The following KIF9 variants were observed in gnomAD, a reference collection of about 807,000 sequenced individuals.
KIF9 encodes the protein kinesin family member 9.
Under a neutral mutation model 94.8 loss-of-function variants are expected in KIF9, and 68 were observed. That is an observed-to-expected ratio of 0.72 (90% confidence interval 0.59 to 0.88). The LOEUF (loss-of-function observed/expected upper bound fraction) is 0.88, where lower values mean the gene tolerates loss of function less well. KIF9 is among the 40% of genes least tolerant of loss of function. The pLI is 0.00. For synonymous variants in KIF9, 343 were observed against 362.1 expected, an observed-to-expected ratio of 0.95 and a Z score of 0.60; for missense variants, 882 against 982.5, an observed-to-expected ratio of 0.90 and a Z score of 1.37.
chr3:47,267,136 G>C (rs201347425), intron 6 of KIF9, 44 bp downstream of exon 6: 1 of 1,599,524 alleles, frequency 6.3e-7, no homozygotes, highest in Non-Finnish European at 8.6e-7. Context: ...GGCCCCGTGG[G>C]AATTGACTGC....
chr3:47,261,323 T>C (rs538609560), intron 9 of KIF9, among the ~76,000 whole-genome samples: 11 of 152,064 alleles, frequency 7.2e-5, no homozygotes, highest in Non-Finnish European at 1.3e-4. Context: ...GAGTGATGCC[T>C]GGGGGGTCGC....
intron 1 of KIF9, 123 bp downstream of exon 1, chr3:47,282,372 G>A (rs1702440276): frequency 1.0e-6 from 1 of 986,030 alleles, no homozygotes; most frequent in Non-Finnish European, 1.2e-6. Flanking sequence ...GGGTTTCAGA[G>A]ATGAGCGACC....
At position 47,275,495 on chromosome 3, in the gene KIF9, GAA is replaced by G; in HGVS notation, c.94-7_94-6del. 1 of 1,589,442 alleles carries G rather than the reference GAA, an allele frequency of 6.3e-7. No individual in the cohort carries two copies. Among genetic ancestry groups the G allele is most frequent in the Non-Finnish European group, 8.5e-7 (1 of 1,171,242 alleles). ...TTTTAAGTGAATATCAATGCTCTAGGAAAAAAGAGTGAGAAAGAAAAAAATGT... is the reference window on the plus strand; with the variant it reads ...TTTTAAGTGAATATCAATGCTCTAGGAAAAGAGTGAGAAAGAAAAAAATGT... On this transcript the variant is annotated splice_region_variant and splice_polypyrimidine_tract_variant and intron_variant, in intron 2 of 20. Transcript: ENST00000684063.
At chr3:47,275,229 G>A in intron 3 of KIF9, 96 bp downstream of exon 3, 1 of 925,704 alleles carries the variant, frequency 1.1e-6, no homozygotes, top group Non-Finnish European at 1.6e-6. Flanking sequence ...ACATACAAAT[G>A]ATAGTGAGTG....
At position 47,276,816 on chromosome 3, in the gene KIF9, C is replaced by A. The variant is rs531007409; in HGVS notation, c.93+466G>T. Among the ~76,000 whole-genome samples, 17 of 152,348 alleles carry A rather than the reference C, an allele frequency of 1.1e-4. No individual in the cohort carries two copies. The South Asian group carries it at 3.5e-3, about 32-fold the overall frequency. ...AATGAAAATATCTAACACTCTTACA[C>A]TGTCCTAAGCCTTCAGAAGCATTCT... On this transcript the variant is annotated intron_variant, in intron 2 of 20. Coordinates refer to ENST00000684063, the MANE Select transcript of KIF9 (RefSeq NM_182902.4).
rs368385088 is a variant in KIF9, at chr3:47,275,502, G to T, written c.94-12C>A. ...TGAATATCAATGCTCTAGGAAAAAA[G>T]AGTGAGAAAGAAAAAAATGTTATTT... On this transcript the variant is annotated splice_polypyrimidine_tract_variant and intron_variant, in intron 2 of 20. Transcript: ENST00000684063. 10 of 1,581,618 alleles carry T rather than the reference G, an allele frequency of 6.3e-6. No homozygotes were observed. The highest frequency in any genetic ancestry group is 1.4e-5 in the African/African-American group (1 of 73,170).
intron 8 of KIF9, among the ~76,000 whole-genome samples, 168 bp downstream of exon 8, chr3:47,265,562 T>A (rs1701238248): frequency 6.6e-6 from 1 of 152,186 alleles, no homozygotes; most frequent in Non-Finnish European, 1.5e-5. Context: ...CTGGGCACAG[T>A]GCTTGATTCT....
At chr3:47,255,913 C>G (rs1414270520) in intron 10 of KIF9, among the ~76,000 whole-genome samples, 1 of 152,246 alleles carries the variant, frequency 6.6e-6, no homozygotes, top group South Asian at 2.1e-4. Context: ...GCGCGCGCCA[C>G]CACACCTGAC....
At chr3:47,240,240 A>G (rs1699365553) in intron 17 of KIF9, 2 of 226,386 alleles carry the variant, frequency 8.8e-6, no homozygotes, top group Non-Finnish European at 1.8e-5. Context: ...TTGAGCCTGG[A>G]GCACCCCCTG....
At chr3:47,268,424 C>A (rs1701427545) in intron 5 of KIF9, among the ~76,000 whole-genome samples, 1 of 152,124 alleles carries the variant, frequency 6.6e-6, no homozygotes, top group African/African-American at 2.4e-5. Flanking sequence ...AGAGCACCCG[C>A]TGAAGAGGGA....
At position 47,275,492 on chromosome 3, in the gene KIF9, T is replaced by C. The variant is rs777079874; in HGVS notation, c.94-2A>G. The C allele has an allele frequency of 3.1e-6, 5 of 1,593,886 alleles. No homozygotes were observed. Among genetic ancestry groups the C allele is most frequent in the Non-Finnish European group, 4.3e-6 (5 of 1,172,968 alleles). On this transcript the variant is annotated splice_acceptor_variant, in intron 2 of 20. Transcript: ENST00000684063. LOFTEE classifies it high-confidence loss of function. ...TTTTTTTAAGTGAATATCAATGCTC[T>C]AGGAAAAAAGAGTGAGAAAGAAAAA...
rs1702462023 is a variant in KIF9 at position 47,282,536 on chromosome 3, A to G, written c.-47T>C. 4 of 997,630 alleles carry G rather than the reference A, an allele frequency of 4.0e-6. No homozygotes were observed. The highest frequency in any genetic ancestry group is 4.8e-6 in the Non-Finnish European group (4 of 836,940). 61.8% of individuals were successfully genotyped at this position (997,630 alleles called of 1,614,324 possible). On this transcript the variant is annotated 5_prime_UTR_variant, in exon 1 of 21. Coordinates refer to ENST00000684063, the MANE Select transcript of KIF9 (RefSeq NM_182902.4). Reference sequence around the variant, plus strand: ...ACGCTCCCGGGACGCGACTGCCGCAACCGAAACCACCTGCACTCCCCACGC... The same window carrying G: ...ACGCTCCCGGGACGCGACTGCCGCAGCCGAAACCACCTGCACTCCCCACGC...
intron 12 of KIF9, 100 bp from the exon 13 acceptor site, chr3:47,246,352 C>A (rs1453840520): frequency 3.6e-6 from 3 of 832,698 alleles, no homozygotes; most frequent in Non-Finnish European, 5.5e-6. Flanking sequence ...TGGCTGACCC[C>A]TGGACCATCT....
chr3:47,276,049 T>C (rs1031285928), intron 2 of KIF9, among the ~76,000 whole-genome samples: 1 of 152,072 alleles, frequency 6.6e-6, no homozygotes, highest in African/African-American at 2.4e-5. Context: ...TAAGAGTAAA[T>C]TGAGGGTGTC....
intron 10 of KIF9, among the ~76,000 whole-genome samples, chr3:47,248,531 C>T (rs555912327): frequency 2.0e-5 from 3 of 152,266 alleles, no homozygotes; most frequent in Admixed American, 2.0e-4. Flanking sequence ...CAACCTCCGC[C>T]TCCCGGGTTC....
chr3:47,240,775 C>T (rs1157623123), intron 17 of KIF9, 26 bp downstream of exon 17: 7 of 1,597,890 alleles, frequency 4.4e-6, no homozygotes, highest in Non-Finnish European at 5.1e-6. Flanking sequence ...CCCAAAGCTC[C>T]CTAGCCCTCT....
intron 4 of KIF9, among the ~76,000 whole-genome samples, chr3:47,273,179 C>T (rs779070198): frequency 6.6e-6 from 1 of 152,174 alleles, no homozygotes; most frequent in Non-Finnish European, 1.5e-5. Flanking sequence ...TAAGGAAGTT[C>T]TGCAAGGGTC....
rs1368327519 is a variant in KIF9, at chr3:47,236,447, G to A, written c.2097C>T (p.Leu699=). ...HLVDQCRHRL[L]MEFDIWYNES... ...CAACCTTCCCAACTGTCGCACCCATGAGCAGGCGGTGGCGACACTGATCCA... is the reference window on the plus strand; with the variant it reads ...CAACCTTCCCAACTGTCGCACCCATAAGCAGGCGGTGGCGACACTGATCCA... The change falls in exon 18 of 21, where the codon CTC becomes CTT. Residue 699 remains leucine (L), a synonymous_variant. Transcript: ENST00000684063. The A allele has an allele frequency of 2.5e-6, 4 of 1,612,954 alleles. No individual in the cohort carries two copies. The highest frequency in any genetic ancestry group is 2.2e-5 in the South Asian group (2 of 91,016).
Position 47,238,746 on chromosome 3 carries a change from T to G in KIF9, c.1924+2055A>C, listed in dbSNP as rs536250150. On this transcript the variant is annotated intron_variant, in intron 17 of 20. Transcript: ENST00000684063. ...CGCAATCTCGACTCACTGCAAGCTC[T>G]GCCTCCCGGGTTTTACACCATTCTC... Among the ~76,000 whole-genome samples, 3 of 152,188 alleles carry G rather than the reference T, an allele frequency of 2.0e-5. No homozygotes were observed. The East Asian group carries it at 5.8e-4, about 30-fold the overall frequency.
Sources: allele counts gnomAD v4.1 joint callset (sites outside exome capture counted in the v4.1 genomes callset), GRCh38; gene constraint gnomAD v4.1.1; transcripts MANE v1.5; gene names NCBI Gene and HGNC (gene_info 2026-07-23, HGNC 2026-07-21).